Variants in KIF21A observed in about 807,000 individuals in gnomAD.
The protein encoded by KIF21A is kinesin-like protein KIF21A.
In KIF21A, 114 loss-of-function variants were observed where a neutral mutation model predicts 202.9. The ratio of observed to expected loss-of-function variants is 0.56; its 90% CI spans 0.48 to 0.66. KIF21A has a LOEUF of 0.66. KIF21A is among the 30% of genes least tolerant of loss of function. The probability of loss-of-function intolerance (pLI) is 0.00; values close to 1 mark genes in which losing one functional copy is unlikely to be tolerated. For synonymous variants in KIF21A, 667 were observed against 670.8 expected, an observed-to-expected ratio of 0.99 and a Z score of 0.09; for missense variants, 1,677 against 1,994.9, an observed-to-expected ratio of 0.84 and a Z score of 3.04.
chr12:39,432,907 C>T (rs75959255), intron 1 of KIF21A, among the ~76,000 whole-genome samples: 5 of 151,864 alleles, frequency 3.3e-5, no homozygotes, highest in Admixed American at 6.6e-5. Flanking sequence ...CACCACACGA[C>T]GACCAAGATG....
chr12:39,334,633 CA>C (rs1168873666), intron 17 of KIF21A, among the ~76,000 whole-genome samples: 1 of 152,156 alleles, frequency 6.6e-6, no homozygotes, highest in Non-Finnish European at 1.5e-5. Context: ...AACCAAATCT[CA>C]AGCTCATTCA....
intron 1 of KIF21A, among the ~76,000 whole-genome samples, chr12:39,427,377 T>C (rs973056590): frequency 2.0e-5 from 3 of 152,334 alleles, no homozygotes; most frequent in South Asian, 2.1e-4. Context: ...GCCTGTAATA[T>C]ACTCAACAGT....
intron 6 of KIF21A, among the ~76,000 whole-genome samples, chr12:39,366,053 T>C (rs1403834120): frequency 1.3e-5 from 2 of 152,152 alleles, no homozygotes; most frequent in Admixed American, 6.6e-5. Context: ...TTTGACAGTA[T>C]ATTGTTAAAT....
chr12:39,335,149 G>A (rs1946850600), intron 17 of KIF21A, among the ~76,000 whole-genome samples: 1 of 152,212 alleles, frequency 6.6e-6, no homozygotes, highest in South Asian at 2.1e-4. Flanking sequence ...ACACAGCTGG[G>A]TGCAGTGGCT....
chr12:39,401,906 C>T (rs999222378), intron 1 of KIF21A, among the ~76,000 whole-genome samples: 3 of 152,124 alleles, frequency 2.0e-5, no homozygotes, highest in African/African-American at 7.2e-5. Flanking sequence ...TCATTTGAAC[C>T]ATTGATTCAA....
intron 36 of KIF21A, 51 bp downstream of exon 36, chr12:39,302,914 C>T (rs759905230): frequency 2.1e-6 from 3 of 1,458,866 alleles, no homozygotes; most frequent in Admixed American, 1.7e-5. Context: ...CTACAGGCTA[C>T]AGGATTGTGT....
intron 28 of KIF21A, 34 bp from the exon 29 acceptor site, chr12:39,318,235 T>C (rs1338396377): frequency 6.2e-7 from 1 of 1,605,230 alleles, no homozygotes; most frequent in Non-Finnish European, 8.5e-7. Context: ...GTAGGTGGCT[T>C]TAATTGGTTA....
chr12:39,358,146 C>G (rs1948938575), intron 8 of KIF21A, 32 bp downstream of exon 8: 2 of 1,595,238 alleles, frequency 1.3e-6, no homozygotes, highest in Non-Finnish European at 1.7e-6. Context: ...TTAGATGTAT[C>G]ACAAAATGCA....
rs1382431334 is a variant in KIF21A at position 39,340,961 on chromosome 12, C to T, written c.2055G>A (p.Leu685=). The part of the protein sequence containing the change: ...KKQYEEKLMM[L]QHKIRDTQLE... ...GCTGAGTATCCCGAATTTTATGTTG[C>T]AGCATCATTAGCTTCTCTTCATACT... The change falls in exon 15 of 38, where the codon CTG becomes CTA. Residue 685 remains leucine (L), a synonymous_variant. Transcript: ENST00000361418. 3 of 1,613,114 alleles carry T rather than the reference C, an allele frequency of 1.9e-6. No homozygotes were observed. The highest frequency in any genetic ancestry group is 2.5e-6 in the Non-Finnish European group (3 of 1,179,500).
intron 1 of KIF21A, among the ~76,000 whole-genome samples, chr12:39,397,051 G>A (rs568387396): frequency 6.6e-6 from 1 of 152,096 alleles, no homozygotes; most frequent in East Asian, 1.9e-4. Context: ...GCCTGAGACC[G>A]ACTATTTATT....
At chr12:39,406,747 C>A (rs1305449619) in intron 1 of KIF21A, among the ~76,000 whole-genome samples, 2 of 152,186 alleles carry the variant, frequency 1.3e-5, no homozygotes, top group Admixed American at 6.5e-5. Flanking sequence ...TCCCTTTTCT[C>A]TCCTACTGCC....
chr12:39,438,048 C>G (rs1187718171), intron 1 of KIF21A, among the ~76,000 whole-genome samples: 3 of 152,072 alleles, frequency 2.0e-5, no homozygotes, highest in African/African-American at 7.2e-5. Context: ...CAATAGATAT[C>G]AGAAACCTGA....
rs1252061463 is a variant in KIF21A, at chr12:39,332,881, A to C, written c.2702+12T>G. On this transcript the variant is annotated intron_variant, in intron 19 of 37. Transcript: ENST00000361418. ...AAGAAGATTACATCAGCAGGAACAG[A>C]ATTATGTAGACCTGTTTCCATTTGT... is the stretch of plus-strand genomic sequence containing the variant. 6.2e-7 allele frequency: 1 copy of C among 1,612,284 alleles called. No homozygotes were observed. The highest frequency in any genetic ancestry group is 8.5e-7 in the Non-Finnish European group (1 of 1,179,090).
At chr12:39,335,861 T>C (rs190365018) in intron 17 of KIF21A, among the ~76,000 whole-genome samples, 1 of 152,232 alleles carries the variant, frequency 6.6e-6, no homozygotes, top group East Asian at 1.9e-4. Context: ...GAAATAAACA[T>C]AACCAAAATA....
chr12:39,405,134 C>T (rs1321539797), intron 1 of KIF21A, among the ~76,000 whole-genome samples: 1 of 152,060 alleles, frequency 6.6e-6, no homozygotes, highest in Admixed American at 6.6e-5. Flanking sequence ...GATGGATCAC[C>T]TGAGGTCAGG....
intron 1 of KIF21A, among the ~76,000 whole-genome samples, chr12:39,435,311 A>G (rs1938531637): frequency 6.6e-6 from 1 of 152,214 alleles, no homozygotes; most frequent in Admixed American, 6.5e-5. Context: ...TTCTATTGTA[A>G]TAGTGCTTAA....
chr12:39,413,667 TG>T, intron 1 of KIF21A, among the ~76,000 whole-genome samples: 1 of 152,294 alleles, frequency 6.6e-6, no homozygotes, highest in Admixed American at 6.5e-5. Context: ...GACTAATGCC[TG>T]TAACCCAGCT....
Position 39,358,255 on chromosome 12 carries a change from C to T in KIF21A, c.1138G>A (p.Asp380Asn), listed in dbSNP as rs773844977. 1.2e-6 allele frequency: 2 copies of T among 1,614,056 alleles called. No individual in the cohort carries two copies. Among genetic ancestry groups the T allele is most frequent in the South Asian group, 1.1e-5 (1 of 91,070 alleles). ...GCATTGATTTGCTGACTAGCTCTGT[C>T]CTGATTGACCATCACCTTATTCTTG... Reference protein sequence around the residue: ...NIKNKVMVNQDRASQQINALR... With the variant: ...NIKNKVMVNQNRASQQINALR... The change falls in exon 8 of 38, where the codon GAC becomes AAC. Residue 380 changes from aspartate (D) to asparagine (N), a missense_variant. By Grantham distance (23) the Asp-to-Asn change is conservative (BLOSUM62 1). This residue lies in a region of KIF21A where 966 missense variants were observed against 1,180.9 expected (regional missense o/e 0.82). Transcript: ENST00000361418.
intron 34 of KIF21A, 49 bp downstream of exon 34, chr12:39,307,516 A>C (rs773969570): frequency 1.3e-6 from 2 of 1,555,792 alleles, no homozygotes; most frequent in Non-Finnish European, 1.8e-6. Flanking sequence ...TTAATGTCTG[A>C]AGTTGTATTT....
Sources: allele counts gnomAD v4.1 joint callset (sites outside exome capture counted in the v4.1 genomes callset), GRCh38; gene constraint gnomAD v4.1.1; regional missense constraint gnomAD v4.1.1; transcripts MANE v1.5; gene names NCBI Gene and HGNC (gene_info 2026-07-23, HGNC 2026-07-21).